The following NT5DC3 variants were observed in gnomAD, a reference collection of about 807,000 sequenced individuals.
NT5DC3 encodes the protein 5'-nucleotidase domain-containing protein 3.
NT5DC3 carries 42 observed loss-of-function variants against 67.8 expected under a neutral mutation model. The ratio of observed to expected loss-of-function variants is 0.62; its 90% CI spans 0.48 to 0.80. The LOEUF (loss-of-function observed/expected upper bound fraction) is 0.80, where lower values mean the gene tolerates loss of function less well. Among genes scored for constraint, NT5DC3 ranks in the 30% least tolerant of loss-of-function variants. NT5DC3 has a pLI of 0.00. For missense variants in NT5DC3, 570 were observed against 696.4 expected, an observed-to-expected ratio of 0.82 and a Z score of 2.04; for synonymous variants, 237 against 255.6, an observed-to-expected ratio of 0.93 and a Z score of 0.69.
chr12:103,794,992 A>G (rs55810720), intron 6 of NT5DC3, among the ~76,000 whole-genome samples: 14,341 of 152,266 alleles, frequency 0.094, 933 homozygotes, highest in East Asian at 0.27. Flanking sequence ...CAGTAGCAGG[A>G]GACAGGGCTG....
rs1320680945 is a variant in NT5DC3, at chr12:103,793,071, G to A, written c.1019+93C>T. On this transcript the variant is annotated intron_variant, in intron 9 of 13. Transcript: ENST00000392876. ...AAAAGCTATAATCTCACATGCTTAT[G>A]ATTTTGCAACTGGATTTTACCAAGA... 8 of 878,120 alleles carry A rather than the reference G, an allele frequency of 9.1e-6. No individual in the cohort carries two copies. In the Admixed American group the frequency reaches 1.8e-4, roughly 20 times the overall value. The allele number at this position is 878,120 out of a possible 1,614,324, so 54.4% of individuals were successfully genotyped here.
rs1472029714 is a variant in NT5DC3 at position 103,775,023 on chromosome 12, A to AC, written c.*2805_*2806insG. On this transcript the variant is annotated 3_prime_UTR_variant, in exon 14 of 14. Coordinates refer to ENST00000392876, the MANE Select transcript of NT5DC3 (RefSeq NM_001031701.3). ...GAGACCTTGCCTCAAAAAAAAAAAAAAAAAGTCATGACAGCGACAAGTTAA... is the reference window on the plus strand; with the variant it reads ...GAGACCTTGCCTCAAAAAAAAAAAAACAAAAGTCATGACAGCGACAAGTTAA... 6.6e-6 allele frequency: 1 copy of AC among 152,126 alleles called. No individual in the cohort carries two copies. Among genetic ancestry groups the AC allele is most frequent in the Non-Finnish European group, 1.5e-5 (1 of 68,064 alleles). 9.4% of individuals were successfully genotyped at this position (152,126 alleles called of 1,614,324 possible).
intron 1 of NT5DC3, among the ~76,000 whole-genome samples, chr12:103,830,353 T>C (rs116877869): frequency 6.6e-6 from 1 of 152,216 alleles, no homozygotes; most frequent in Admixed American, 6.5e-5. Context: ...GTCTTTTGTA[T>C]ATATTACTTC....
intron 2 of NT5DC3, among the ~76,000 whole-genome samples, chr12:103,808,083 A>G (rs144551940): frequency 1.0e-3 from 155 of 152,308 alleles, no homozygotes; most frequent in African/African-American, 3.4e-3. Flanking sequence ...TATCTACTGC[A>G]CCAGGTATCC....
the NT5DC3 span, among the ~76,000 whole-genome samples, chr12:103,750,877 G>A: frequency 1.3e-5 from 2 of 152,240 alleles, no homozygotes; most frequent in Non-Finnish European, 2.9e-5. Context: ...GATCACTTGA[G>A]GTCAGGAGTT....
chr12:103,838,906 A>G lies in NT5DC3; in HGVS notation c.208+2043T>C, dbSNP rs982973737. On this transcript the variant is annotated intron_variant, in intron 1 of 13. Coordinates refer to ENST00000392876, the MANE Select transcript of NT5DC3 (RefSeq NM_001031701.3). Reference sequence around the variant, plus strand: ...ATCAGCCTAACATTTTTGAAATGACAAAATTTTAGAAATGGAGAACAAATA... The same window carrying G: ...ATCAGCCTAACATTTTTGAAATGACGAAATTTTAGAAATGGAGAACAAATA... Among the ~76,000 whole-genome samples, 31 of 152,328 alleles carry G rather than the reference A, an allele frequency of 2.0e-4. 1 individual carries two copies. Among genetic ancestry groups the G allele is most frequent in the Admixed American group, 2.0e-3 (30 of 15,302 alleles).
At chr12:103,756,114 C>T in the NT5DC3 span, among the ~76,000 whole-genome samples, 1 of 152,338 alleles carries the variant, frequency 6.6e-6, no homozygotes, top group East Asian at 1.9e-4. Flanking sequence ...AAATGAGACA[C>T]TCTTTAATCC....
chr12:103,840,897 G>A (rs1276954205), intron 1 of NT5DC3, 52 bp downstream of exon 1: 11 of 1,156,742 alleles, frequency 9.5e-6, no homozygotes, highest in Non-Finnish European at 1.0e-5. Context: ...CTTCCCAGCT[G>A]AGCGCGCAGG....
intron 1 of NT5DC3, among the ~76,000 whole-genome samples, chr12:103,836,993 A>G (rs1888177381): frequency 6.6e-6 from 1 of 152,146 alleles, no homozygotes; most frequent in Non-Finnish European, 1.5e-5. Flanking sequence ...CCCTTCCGCA[A>G]TGCCCTAGCA....
the NT5DC3 span, chr12:103,763,364 T>C: frequency 1.4e-6 from 1 of 703,176 alleles, no homozygotes; most frequent in Non-Finnish European, 2.5e-6. Context: ...GAATCATCTC[T>C]CAACAAAGTA....
chr12:103,750,525 TC>T, the NT5DC3 span: 1 of 1,601,106 alleles, frequency 6.2e-7, no homozygotes, highest in East Asian at 2.2e-5. Context: ...CACTTGGGCA[TC>T]CTGGGGTCCT....
the NT5DC3 span, among the ~76,000 whole-genome samples, chr12:103,759,954 T>C: frequency 9.2e-5 from 14 of 152,066 alleles, no homozygotes; most frequent in African/African-American, 2.4e-4. Context: ...TTGTGGAAAA[T>C]TGATCAAATA....
intron 1 of NT5DC3, among the ~76,000 whole-genome samples, chr12:103,823,544 C>T (rs1054723790): frequency 1.3e-5 from 2 of 152,024 alleles, no homozygotes; most frequent in Non-Finnish European, 2.9e-5. Flanking sequence ...ATTTGCTTTT[C>T]CCTAATTGGA....
chr12:103,782,385 A>G (rs984003194), intron 12 of NT5DC3, among the ~76,000 whole-genome samples: 8 of 152,086 alleles, frequency 5.3e-5, no homozygotes, highest in Admixed American at 5.2e-4. Context: ...AAAAGAGAAG[A>G]ATTTCCTAAC....
the NT5DC3 span, among the ~76,000 whole-genome samples, chr12:103,757,204 C>G: frequency 6.6e-6 from 1 of 151,650 alleles, no homozygotes; most frequent in Non-Finnish European, 1.5e-5. Context: ...TCCTCCCACC[C>G]CAGCCTCCAG....
At chr12:103,754,335 T>G in the NT5DC3 span, among the ~76,000 whole-genome samples, 1 of 152,092 alleles carries the variant, frequency 6.6e-6, no homozygotes, top group Non-Finnish European at 1.5e-5. Flanking sequence ...TTTAAGATTA[T>G]TAAAAGATCT....
intron 4 of NT5DC3, among the ~76,000 whole-genome samples, chr12:103,804,418 G>A (rs1886712441): frequency 6.6e-6 from 1 of 152,200 alleles, no homozygotes; most frequent in East Asian, 1.9e-4. Flanking sequence ...GAGGCTACTG[G>A]AGGATATACT....
the NT5DC3 span, chr12:103,762,452 A>G: frequency 2.5e-6 from 4 of 1,613,428 alleles, no homozygotes; most frequent in Admixed American, 3.3e-5. Context: ...CCAAAAACCC[A>G]GTCCCTGGAC....
chr12:103,748,203 C>A, the NT5DC3 span, among the ~76,000 whole-genome samples: 2 of 152,144 alleles, frequency 1.3e-5, no homozygotes, highest in Non-Finnish European at 2.9e-5. Context: ...CAGCATTCAA[C>A]AATGGCAACA....
Sources: allele counts gnomAD v4.1 joint callset (sites outside exome capture counted in the v4.1 genomes callset), GRCh38; gene constraint gnomAD v4.1.1; transcripts MANE v1.5; gene names NCBI Gene and HGNC (gene_info 2026-07-23, HGNC 2026-07-21).